ETV5: variants seen among roughly 807,000 people sequenced by gnomAD.
The protein encoded by ETV5 is ETS variant transcription factor 5, also known as ETS translocation variant 5.
A neutral mutation model predicts 70.0 loss-of-function variants in ETV5; 10 were observed. The observed-to-expected ratio is 0.14, with a 90% CI of 0.09 to 0.24. The LOEUF (loss-of-function observed/expected upper bound fraction) is 0.24. Among genes scored for constraint, ETV5 ranks in the 10% least tolerant of loss-of-function variants. The pLI is 1.00. For missense variants in ETV5, 453 were observed against 651.2 expected (o/e 0.70, Z 3.31); for synonymous variants, 216 against 242.2 (o/e 0.89, Z 1.01).
chr3:186,074,508 A>G (rs76165431), intron 7 of ETV5, among the ~76,000 whole-genome samples: 2,814 of 152,334 alleles, frequency 0.018, 88 homozygotes, highest in African/African-American at 0.065. Flanking sequence ...TAGCAAGGAC[A>G]ATATAAGAAA....
chr3:186,081,485 T>G (rs746882512), intron 5 of ETV5, among the ~76,000 whole-genome samples: 42 of 152,094 alleles, frequency 2.8e-4, no homozygotes, highest in Non-Finnish European at 4.3e-4. Context: ...AGGTAATGGG[T>G]CTCCACCAAA....
intron 7 of ETV5, among the ~76,000 whole-genome samples, chr3:186,074,859 C>CAAAAAAAAAAA (rs747453303): frequency 8.1e-4 from 62 of 76,264 alleles, no homozygotes; most frequent in East Asian, 3.6e-3. Flanking sequence ...ACTCTGTCTC[C>CAAAAAAAAAAA]AAAAAAAAAA....
chr3:186,062,429 T>C (rs1713327186), intron 9 of ETV5, among the ~76,000 whole-genome samples: 1 of 152,152 alleles, frequency 6.6e-6, no homozygotes, highest in Admixed American at 6.5e-5. Flanking sequence ...GAGACCAACC[T>C]GGCCAACATG....
At chr3:186,060,245 C>A (rs1290167945) in intron 9 of ETV5, among the ~76,000 whole-genome samples, 1 of 152,212 alleles carries the variant, frequency 6.6e-6, no homozygotes, top group Admixed American at 6.5e-5. Context: ...CCACCTACAT[C>A]TAGAAGAAAT....
intron 5 of ETV5, chr3:186,084,386 A>G (rs1444182941): frequency 8.9e-6 from 3 of 335,964 alleles, no homozygotes; most frequent in South Asian, 4.8e-5. Flanking sequence ...GGGGCCCACA[A>G]AGTCAGTGGT....
intron 5 of ETV5, among the ~76,000 whole-genome samples, chr3:186,092,130 A>G (rs1055086162): frequency 2.6e-5 from 4 of 152,238 alleles, no homozygotes; most frequent in Admixed American, 2.6e-4. Context: ...TATCTCCAGA[A>G]AGCCCACTCT....
intron 7 of ETV5, among the ~76,000 whole-genome samples, chr3:186,077,382 T>C (rs1018914316): frequency 6.6e-6 from 1 of 152,218 alleles, no homozygotes; most frequent in Non-Finnish European, 1.5e-5. Flanking sequence ...ATGACTGTAA[T>C]TTCTATTACT....
chr3:186,061,859 T>C (rs1309323455), intron 9 of ETV5, among the ~76,000 whole-genome samples: 1 of 152,170 alleles, frequency 6.6e-6, no homozygotes, highest in South Asian at 2.1e-4. Flanking sequence ...AACAAAAGGA[T>C]CCCTTCTTCC....
chr3:186,108,714 C>G (rs929026242), intron 1 of ETV5: 2 of 1,118,384 alleles, frequency 1.8e-6, no homozygotes, highest in East Asian at 1.6e-4. Flanking sequence ...GCCGCTCTCC[C>G]CGCGCTCCGG....
In ETV5 at chr3:186,081,098, G is replaced by C. The variant is rs1713924186; in HGVS notation, c.310C>G (p.His104Asp). Residue 104 changes from histidine to aspartate, a missense_variant, in exon 6 of 13, where the codon CAT (histidine) becomes GAT (aspartate). Coordinates refer to ENST00000306376, the MANE Select transcript of ETV5 (RefSeq NM_004454.3). ...TAGTTAGCACCAAGAGCCTGCTCAT[G>C]GCTACAAGACGACAGCTCAGAGGAG... Reference protein sequence around the residue: ...SPSSELSSCSHEQALGANYGE... With the variant: ...SPSSELSSCSDEQALGANYGE... 2 of 1,613,702 alleles carry C rather than the reference G, an allele frequency of 1.2e-6. No individual in the cohort carries two copies. The highest frequency in any genetic ancestry group is 2.7e-5 in the African/African-American group (2 of 74,914).
intron 9 of ETV5, 55 bp downstream of exon 9, chr3:186,064,360 GAA>G: frequency 6.6e-7 from 1 of 1,514,856 alleles, no homozygotes; most frequent in Non-Finnish European, 9.2e-7. Flanking sequence ...CCGAGAGAAA[GAA>G]AGGAAGAAAG....
At chr3:186,084,438 G>T (rs1048527184) in intron 5 of ETV5, among the ~76,000 whole-genome samples, 4 of 151,674 alleles carry the variant, frequency 2.6e-5, no homozygotes, top group African/African-American at 9.7e-5. Flanking sequence ...TACCTTCTTT[G>T]TCATGAAGAT....
In ETV5 at chr3:186,105,210, A is replaced by G. The variant is rs1162707885; in HGVS notation, c.232+95T>C. On this transcript the variant is annotated intron_variant, in intron 5 of 12. Transcript: ENST00000306376. This position sits in a 1 kb window ranked among gnomAD's most constrained non-coding sequence, Gnocchi z 4.5. Reference sequence around the variant, plus strand: ...AAACTAAATGCATACTACTGTCTAAATCTGGCCATAGCTGAAAAAAGCATA... The same window carrying G: ...AAACTAAATGCATACTACTGTCTAAGTCTGGCCATAGCTGAAAAAAGCATA... The G allele has an allele frequency of 6.8e-6, 7 of 1,023,056 alleles. No individual in the cohort carries two copies. The East Asian group carries it at 1.7e-4, about 25-fold the overall frequency. The allele number at this position is 1,023,056 out of a possible 1,614,324, so 63.4% of individuals were successfully genotyped here.
At chr3:186,082,186 A>C (rs941724619) in intron 5 of ETV5, among the ~76,000 whole-genome samples, 1 of 152,242 alleles carries the variant, frequency 6.6e-6, no homozygotes, top group African/African-American at 2.4e-5. Flanking sequence ...CTTCTAGTTG[A>C]GTTAGAATGG....
rs1365732048 is a variant in ETV5, at chr3:186,105,069, G to A, written c.232+236C>T. On this transcript the variant is annotated intron_variant, in intron 5 of 12. Transcript: ENST00000306376. This position sits in a 1 kb window ranked among gnomAD's most constrained non-coding sequence, Gnocchi z 4.5. The stretch of plus-strand genomic sequence containing the variant: ...CTTTACAATATTCTTAAGGTAAAAA[G>A]AAATTTAGGATAAAATTATGTTCAG... 4 of 419,286 alleles carry A rather than the reference G, an allele frequency of 9.5e-6. No homozygotes were observed. The highest frequency in any genetic ancestry group is 1.7e-5 in the Non-Finnish European group (4 of 238,844). 26.0% of individuals were successfully genotyped at this position (419,286 alleles called of 1,614,324 possible).
intron 5 of ETV5, among the ~76,000 whole-genome samples, chr3:186,094,665 A>C (rs1321887715): frequency 1.3e-5 from 2 of 152,242 alleles, no homozygotes; most frequent in African/African-American, 4.8e-5. Flanking sequence ...GAGACGAGAA[A>C]AGAATTAGAC....
chr3:186,105,116 T>G lies in ETV5; in HGVS notation c.232+189A>C, dbSNP rs1021835367. ...TCAGTAAATCTTACCTGCAATACAG[T>G]AGAAATACTTTAGAAATAATTTTAT... On this transcript the variant is annotated intron_variant, in intron 5 of 12. Transcript: ENST00000306376. This position sits in a 1 kb window ranked among gnomAD's most constrained non-coding sequence, Gnocchi z 4.5. 7 of 528,878 alleles carry G rather than the reference T, an allele frequency of 1.3e-5. No homozygotes were observed. The highest frequency in any genetic ancestry group is 1.3e-4 in the East Asian group (4 of 31,636). The allele number at this position is 528,878 out of a possible 1,614,324, so 32.8% of individuals were successfully genotyped here.
chr3:186,056,571 AT>A (rs1219070690), intron 11 of ETV5, among the ~76,000 whole-genome samples: 1 of 152,112 alleles, frequency 6.6e-6, no homozygotes, highest in East Asian at 1.9e-4. Flanking sequence ...GAAAAAAAAA[AT>A]CTAAGCTCAT....
intron 12 of ETV5, among the ~76,000 whole-genome samples, chr3:186,049,905 A>C (rs983757348): frequency 2.0e-5 from 3 of 152,188 alleles, no homozygotes; most frequent in African/African-American, 7.2e-5. Flanking sequence ...CACGGCTTCC[A>C]GTCCTGGTTT....
Sources: gnomAD v4.1 joint callset for allele counts (sites outside exome capture counted in the v4.1 genomes callset) on GRCh38, gnomAD v4.1.1 for gene constraint, Gnocchi (gnomAD v3.1) non-coding constraint, MANE v1.5 for transcripts, NCBI Gene and HGNC (gene_info 2026-07-23, HGNC 2026-07-21) for gene names.